Variants in MACROD2 observed in about 807,000 individuals in gnomAD.
The protein encoded by MACROD2 is mono-ADP ribosylhydrolase 2.
MACROD2 carries 36 observed loss-of-function variants against 70.4 expected under a neutral mutation model. That is an observed-to-expected ratio of 0.51 (90% CI 0.39 to 0.68). The LOEUF (loss-of-function observed/expected upper bound fraction) is 0.68, where lower values mean the gene tolerates loss of function less well. MACROD2 is among the 30% of genes least tolerant of loss of function. The pLI is 0.00. For synonymous variants in MACROD2, 172 were observed against 178.8 expected, an observed-to-expected ratio of 0.96 and a Z score of 0.30; for missense variants, 496 against 538.4, an observed-to-expected ratio of 0.92 and a Z score of 0.78.
intron 6 of MACROD2, among the ~76,000 whole-genome samples, chr20:15,404,063 C>T (rs2045965711): frequency 6.6e-6 from 1 of 152,132 alleles, no homozygotes; most frequent in Non-Finnish European, 1.5e-5. Flanking sequence ...TTGAAATTTA[C>T]AGAGATCCAA....
At chr20:14,374,453 AT>A (rs950507820) in intron 3 of MACROD2, among the ~76,000 whole-genome samples, 1 of 152,180 alleles carries the variant, frequency 6.6e-6, no homozygotes, top group African/African-American at 2.4e-5. Context: ...GGTCAAATAG[AT>A]TAATGATGTC....
At chr20:14,969,770 G>A (rs2074673587) in intron 5 of MACROD2, among the ~76,000 whole-genome samples, 2 of 152,152 alleles carry the variant, frequency 1.3e-5, no homozygotes, top group Middle Eastern at 6.8e-3. Context: ...AGCTGGATAA[G>A]GATCAGTTTC....
intron 6 of MACROD2, among the ~76,000 whole-genome samples, chr20:15,326,840 A>G (rs1401319397): frequency 1.3e-5 from 2 of 152,156 alleles, no homozygotes; most frequent in Non-Finnish European, 2.9e-5. Context: ...ACTATTCCAC[A>G]TTGCAGGGTG....
intron 3 of MACROD2, among the ~76,000 whole-genome samples, chr20:14,451,991 C>G (rs6042737): frequency 0.025 from 3,857 of 152,102 alleles, 179 homozygotes; most frequent in African/African-American, 0.087. Flanking sequence ...AGCTCACGCT[C>G]AGAAAGTTTA....
chr20:15,169,497 C>A (rs1177921336), intron 5 of MACROD2, among the ~76,000 whole-genome samples: 1 of 152,168 alleles, frequency 6.6e-6, no homozygotes, highest in African/African-American at 2.4e-5. Context: ...AAGGAAGTAA[C>A]TGCACCAGCC....
intron 8 of MACROD2, among the ~76,000 whole-genome samples, chr20:15,811,346 A>G (rs1469782820): frequency 1.3e-5 from 2 of 151,984 alleles, no homozygotes; most frequent in African/African-American, 2.4e-5. Context: ...AATGCTCATC[A>G]TCACTGGCCA....
intron 7 of MACROD2, among the ~76,000 whole-genome samples, chr20:15,488,600 C>T (rs1032979825): frequency 3.9e-5 from 6 of 152,146 alleles, no homozygotes; most frequent in African/African-American, 1.4e-4. Flanking sequence ...GGGCTCCTAG[C>T]GTGGATGTGA....
chr20:14,385,431 A>C (rs896829043), intron 3 of MACROD2, among the ~76,000 whole-genome samples: 1 of 127,056 alleles, frequency 7.9e-6, no homozygotes, highest in African/African-American at 2.8e-5. Context: ...TCATTTCACA[A>C]ATTTAAAAAA....
intron 6 of MACROD2, among the ~76,000 whole-genome samples, chr20:15,319,846 A>C (rs899047142): frequency 1.3e-5 from 2 of 152,224 alleles, no homozygotes; most frequent in African/African-American, 4.8e-5. Context: ...AAGTGAATGA[A>C]GCCAGACACA....
intron 8 of MACROD2, among the ~76,000 whole-genome samples, chr20:15,585,091 G>A (rs373106951): frequency 6.6e-6 from 1 of 152,142 alleles, no homozygotes; most frequent in Non-Finnish European, 1.5e-5. Flanking sequence ...CAGCAGACAC[G>A]GTCAGTGGGT....
chr20:14,655,542 T>C (rs1480735218), intron 4 of MACROD2, among the ~76,000 whole-genome samples: 2 of 152,180 alleles, frequency 1.3e-5, no homozygotes, highest in Admixed American at 6.5e-5. Context: ...CAAATGTCTC[T>C]CTTTACAAAT....
At chr20:15,869,730 A>G (rs1407045164) in intron 9 of MACROD2, among the ~76,000 whole-genome samples, 1 of 152,136 alleles carries the variant, frequency 6.6e-6, no homozygotes, top group Non-Finnish European at 1.5e-5. Flanking sequence ...TTTGTATTAT[A>G]TATAACATAA....
intron 7 of MACROD2, among the ~76,000 whole-genome samples, chr20:15,438,863 G>A (rs560844908): frequency 1.3e-5 from 2 of 152,244 alleles, no homozygotes; most frequent in South Asian, 2.1e-4. Context: ...CCTAACTGAA[G>A]ATATAGAAAT....
At chr20:14,079,469 G>T (rs527655435) in intron 2 of MACROD2, among the ~76,000 whole-genome samples, 1 of 152,294 alleles carries the variant, frequency 6.6e-6, no homozygotes, top group African/African-American at 2.4e-5. Context: ...CTTATTTAAG[G>T]AGACTTTTTT....
chr20:14,801,856 C>G (rs1321687982), intron 5 of MACROD2, among the ~76,000 whole-genome samples: 1 of 152,040 alleles, frequency 6.6e-6, no homozygotes, highest in Admixed American at 6.6e-5. Context: ...ACTGTACTTT[C>G]CTTTCACGGC....
At position 15,344,780 on chromosome 20, in the gene MACROD2, A is replaced by G. The variant is rs16995574; in HGVS notation, c.541-86625A>G. 8.4e-3 allele frequency among the ~76,000 whole-genome samples: 1,278 copies of G among 152,334 alleles called. 20 individuals are homozygous for G. The highest frequency in any genetic ancestry group is 0.029 in the African/African-American group (1,200 of 41,558). The stretch of plus-strand genomic sequence containing the variant: ...ATTAGTGACTAGAAGATAAGTAGCC[A>G]TAGAAAAAGAATTGGAACAGTTAGT... On this transcript the variant is annotated intron_variant, in intron 6 of 17. Transcript: ENST00000684519.
At chr20:15,772,402 C>T (rs1031339018) in intron 8 of MACROD2, among the ~76,000 whole-genome samples, 7 of 151,858 alleles carry the variant, frequency 4.6e-5, no homozygotes, top group African/African-American at 1.7e-4. Context: ...TTTTCAAGGT[C>T]GTAGGGCTAT....
chr20:14,670,954 C>A (rs902973777), intron 4 of MACROD2, among the ~76,000 whole-genome samples: 3 of 152,148 alleles, frequency 2.0e-5, no homozygotes, highest in Admixed American at 2.0e-4. Flanking sequence ...TAACAAAGAT[C>A]TGCTATGGAA....
intron 3 of MACROD2, among the ~76,000 whole-genome samples, chr20:14,153,209 C>G (rs2055049361): frequency 6.6e-6 from 1 of 152,054 alleles, no homozygotes; most frequent in African/African-American, 2.4e-5. Flanking sequence ...TTTAGCAAAT[C>G]TTTCATTAGT....
Sources: gnomAD v4.1 joint callset for allele counts (sites outside exome capture counted in the v4.1 genomes callset) on GRCh38, gnomAD v4.1.1 for gene constraint, MANE v1.5 for transcripts, NCBI Gene and HGNC (gene_info 2026-07-23, HGNC 2026-07-21) for gene names.